Variants in CHD4 observed in about 807,000 individuals in gnomAD.
The protein encoded by CHD4 is chromodomain helicase DNA binding protein 4, also known as ATP-dependent chromatin remodeler CHD4.
Under a neutral mutation model 235.5 loss-of-function variants are expected in CHD4, and 35 were observed. The observed-to-expected ratio is 0.15, with a 90% CI of 0.11 to 0.20. CHD4 has a LOEUF of 0.20. Among genes scored for constraint, CHD4 ranks in the 10% least tolerant of loss-of-function variants. CHD4 has a pLI of 1.00. For synonymous variants in CHD4, 900 were observed against 850.2 expected, an observed-to-expected ratio of 1.06 and a Z score of -1.02; for missense variants, 1,329 against 2,432.3, an observed-to-expected ratio of 0.55 and a Z score of 9.54.
chr12:6,575,314 G>A (rs150834899), intron 37 of CHD4, among the ~76,000 whole-genome samples: 1,750 of 152,120 alleles, frequency 0.012, 44 homozygotes, highest in African/African-American at 0.04. Flanking sequence ...CAGGCATGGT[G>A]GTACATGCCT....
chr12:6,586,672 G>A (rs1015147922), intron 25 of CHD4, among the ~76,000 whole-genome samples: 1 of 151,664 alleles, frequency 6.6e-6, no homozygotes. Context: ...TCTAGCCTGG[G>A]TGACAGAGCA....
In CHD4 at chr12:6,591,445, AAAC is replaced by A; in HGVS notation, c.3340+18_3340+20del. 1 of 1,592,654 alleles carries A rather than the reference AAAC, an allele frequency of 6.3e-7. No homozygotes were observed. Among genetic ancestry groups the A allele is most frequent in the Non-Finnish European group, 8.6e-7 (1 of 1,162,938 alleles). On this transcript the variant is annotated intron_variant, in intron 22 of 39. Transcript: ENST00000544040. ...TAAGCAAATGAGGATTCCTGAAACT[AAAC>A]AACTCCTTCTCTCTCACCATTGAAG...
chr12:6,592,857 C>T, intron 17 of CHD4, 40 bp from the exon 18 acceptor site: 1 of 1,595,052 alleles, frequency 6.3e-7, no homozygotes, highest in Non-Finnish European at 8.5e-7. Flanking sequence ...CCAATGAAAA[C>T]AGAGCTCTAG....
chr12:6,597,736 A>G (rs571840094), intron 12 of CHD4, among the ~76,000 whole-genome samples, 158 bp downstream of exon 12: 2 of 152,344 alleles, frequency 1.3e-5, no homozygotes, highest in African/African-American at 4.8e-5. Flanking sequence ...ACTGCACTCC[A>G]GCCTGGGCAC....
intron 19 of CHD4, 137 bp downstream of exon 19, chr12:6,592,256 G>C: frequency 7.8e-7 from 1 of 1,284,224 alleles, no homozygotes; most frequent in Non-Finnish European, 1.1e-6. Flanking sequence ...GCGCTCCAGC[G>C]CCCTAGCATC....
In CHD4 at chr12:6,592,725, C is replaced by T; in HGVS notation, c.2745G>A (p.Leu915=). ...LQNNLEELFH[L]LNFLTPERFH... ...ACCTCTCGGGGGTGAGAAAGTTGAG[C>T]AGATGAAACAACTCTTCCAGATTGT... The change falls in exon 18 of 40, where the codon CTG becomes CTA. Residue 915 remains leucine, a synonymous_variant. Transcript: ENST00000544040. The T allele has an allele frequency of 4.3e-6, 7 of 1,613,660 alleles. No homozygotes were observed. Among genetic ancestry groups the T allele is most frequent in the Non-Finnish European group, 5.9e-6 (7 of 1,179,864 alleles).
Position 6,582,186 on chromosome 12 carries a change from C to A in CHD4, c.4466G>T (p.Arg1489Leu). 1 of 1,598,512 alleles carries A rather than the reference C, an allele frequency of 6.3e-7. No homozygotes were observed. Among genetic ancestry groups the A allele is most frequent in the South Asian group, 1.1e-5 (1 of 89,924 alleles). ...ACCAATTCTAGTAAGGACATGCTGG[C>A]GAGACAGGCCTTCTCGGGGGACACC... ...ADGVPREGLS[R>L]QHVLTRIGVM... Residue 1489 changes from arginine to leucine, a missense_variant, in exon 30 of 40, where the codon CGC becomes CTC. Physicochemically the swap from Arg to Leu is moderately radical, Grantham distance 102. This residue lies in a region of CHD4 where 48 missense variants were observed against 109.6 expected (regional missense o/e 0.44). Transcript: ENST00000544040.
In CHD4 at chr12:6,577,830, G is replaced by A; in HGVS notation, c.5316C>T (p.Gly1772=). The stretch of plus-strand genomic sequence containing the variant: ...ATTTATTCTTGATCTCTAAGAAATT[G>A]CCACGGTTCATTTCACCCTTGAAAG... ...NEPFKGEMNR[G]NFLEIKNKFL... The change falls in exon 37 of 40, where the codon GGC becomes GGT. Residue 1772 remains glycine, a synonymous_variant. Coordinates refer to ENST00000544040, the MANE Select transcript of CHD4 (RefSeq NM_001273.5). 6.2e-7 allele frequency: 1 copy of A among 1,614,140 alleles called. No homozygotes were observed. Among genetic ancestry groups the A allele is most frequent in the Non-Finnish European group, 8.5e-7 (1 of 1,180,032 alleles).
Position 6,581,134 on chromosome 12 carries a change from C to T in CHD4, c.4819G>A (p.Val1607Ile). The T allele has an allele frequency of 4.3e-6, 7 of 1,614,178 alleles. No homozygotes were observed. The highest frequency in any genetic ancestry group is 5.9e-6 in the Non-Finnish European group (7 of 1,180,040). ...TCTCCCTCAGGGGGTTCAACAACGACCTTTTCATCCTCTGAGGCAGGGGCA... is the reference window on the plus strand; with the variant it reads ...TCTCCCTCAGGGGGTTCAACAACGATCTTTTCATCCTCTGAGGCAGGGGCA... The part of the protein sequence containing the change: ...APAPASEDEK[V>I]VVEPPEGEEK... The change falls in exon 33 of 40, where the codon GTC becomes ATC. Residue 1607 changes from valine (V) to isoleucine (I), a missense_variant. Val to Ile is a conservative substitution (Grantham distance 29). Around this residue, in one of 26 missense-constraint regions of CHD4, gnomAD observed 219 missense variants for 219.3 expected, o/e 1.00. Coordinates refer to ENST00000544040, the MANE Select transcript of CHD4 (RefSeq NM_001273.5).
At chr12:6,606,145 T>G (rs1948692403) in intron 2 of CHD4, 129 bp downstream of exon 2, 1 of 635,214 alleles carries the variant, frequency 1.6e-6, no homozygotes, top group Non-Finnish European at 2.7e-6. Flanking sequence ...AACCACTCCC[T>G]TCGGATACCC....
intron 2 of CHD4, among the ~76,000 whole-genome samples, chr12:6,605,182 G>A (rs565608066): frequency 6.2e-4 from 94 of 152,294 alleles, no homozygotes; most frequent in African/African-American, 2.2e-3. Context: ...TAAGAAGAGA[G>A]AAGGCAGAAG....
intron 38 of CHD4, chr12:6,571,686 C>T (rs144061164): frequency 0.012 from 1,850 of 152,094 alleles, 35 homozygotes; most frequent in African/African-American, 0.041. Context: ...TTAGCTGGGG[C>T]GCAGTGGCTC....
In CHD4 at chr12:6,591,797, T is replaced by C; in HGVS notation, c.3119A>G (p.Tyr1040Cys). The C allele has an allele frequency of 3.7e-6, 6 of 1,614,196 alleles. No homozygotes were observed. Among genetic ancestry groups the C allele is most frequent in the Non-Finnish European group, 4.2e-6 (5 of 1,180,040 alleles). The stretch of plus-strand genomic sequence containing the variant: ...TGCTCTGATTAGGGCACTGCCATCA[T>C]ACATGCCATTAGGCATCTTAGGAGC... ...MEAPKMPNGM[Y>C]DGSALIRASG... is the part of the protein sequence containing the mutation. Residue 1040 changes from tyrosine to cysteine, a missense_variant, in exon 21 of 40, where the codon TAT becomes TGT. Around this residue, in one of 26 missense-constraint regions of CHD4, gnomAD observed 39 missense variants for 83.8 expected, o/e 0.47. Transcript: ENST00000544040.
chr12:6,591,218 G>A, intron 22 of CHD4: 2 of 361,108 alleles, frequency 5.5e-6, no homozygotes, highest in Non-Finnish European at 5.0e-6. Flanking sequence ...AACAAGTCCT[G>A]ACCCTTTGCT....
At position 6,605,310 on chromosome 12, in the gene CHD4, T is replaced by C. The variant is rs1019382806; in HGVS notation, c.100+964A>G. ...GAAAAAAAAATTAAACTAGAAAACA[T>C]GAAGGTCAAGGAGATGAGTAGGTGA... On this transcript the variant is annotated intron_variant, in intron 2 of 39. Coordinates refer to ENST00000544040, the MANE Select transcript of CHD4 (RefSeq NM_001273.5). 2.0e-5 allele frequency among the ~76,000 whole-genome samples: 3 copies of C among 151,818 alleles called. No individual in the cohort carries two copies. The East Asian group carries it at 5.8e-4, about 29-fold the overall frequency.
chr12:6,584,335 C>T, intron 25 of CHD4: 1 of 152,066 alleles, frequency 6.6e-6, no homozygotes, highest in East Asian at 1.9e-4. Flanking sequence ...CATTAGTTGT[C>T]CCCAAGAAGG....
intron 12 of CHD4, among the ~76,000 whole-genome samples, chr12:6,597,429 G>A (rs1404231311): frequency 6.6e-6 from 1 of 152,262 alleles, no homozygotes; most frequent in African/African-American, 2.4e-5. Flanking sequence ...TCACGACACT[G>A]CACTCAAGCC....
intron 10 of CHD4, among the ~76,000 whole-genome samples, chr12:6,599,489 C>G (rs1378097841): frequency 1.3e-5 from 2 of 151,978 alleles, no homozygotes; most frequent in Non-Finnish European, 2.9e-5. Flanking sequence ...TGTAAGCTAC[C>G]AAGACCCTGA....
At chr12:6,591,400 G>C in intron 22 of CHD4, 66 bp downstream of exon 22, 2 of 1,229,896 alleles carry the variant, frequency 1.6e-6, no homozygotes, top group South Asian at 1.3e-5. Context: ...AGATGCACAA[G>C]AAGTTACAGT....
Sources: allele counts gnomAD v4.1 joint callset (sites outside exome capture counted in the v4.1 genomes callset), GRCh38; gene constraint gnomAD v4.1.1; regional missense constraint gnomAD v4.1.1; transcripts MANE v1.5; gene names NCBI Gene and HGNC (gene_info 2026-07-23, HGNC 2026-07-21).